DIAPH3: variants seen among roughly 807,000 people sequenced by gnomAD.
DIAPH3 encodes diaphanous related formin 3, also known as protein diaphanous homolog 3.
A neutral mutation model predicts 144.3 loss-of-function variants in DIAPH3; 117 were observed. The observed-to-expected ratio is 0.81, with a 90% CI of 0.70 to 0.95. The LOEUF (loss-of-function observed/expected upper bound fraction) is 0.95. Among genes scored for constraint, DIAPH3 ranks in the 40% least tolerant of loss-of-function variants. DIAPH3 has a pLI of 0.00. For missense variants in DIAPH3, 1,421 were observed against 1,412.7 expected, an observed-to-expected ratio of 1.01 and a Z score of -0.09; for synonymous variants, 519 against 488.9, an observed-to-expected ratio of 1.06 and a Z score of -0.81.
At chr13:60,030,667 T>C (rs1367931581) in intron 5 of DIAPH3, among the ~76,000 whole-genome samples, 3 of 152,136 alleles carry the variant, frequency 2.0e-5, no homozygotes, top group Non-Finnish European at 2.9e-5. Context: ...CAGCCACACA[T>C]ATAGACTCAA....
chr13:60,007,117 T>C (rs2052926877), intron 9 of DIAPH3, among the ~76,000 whole-genome samples: 1 of 152,080 alleles, frequency 6.6e-6, no homozygotes, highest in Non-Finnish European at 1.5e-5. Flanking sequence ...AGTGGCACGA[T>C]CTTGGCTCAC....
chr13:60,135,589 G>C (rs898449883), intron 1 of DIAPH3, among the ~76,000 whole-genome samples: 3 of 152,250 alleles, frequency 2.0e-5, no homozygotes, highest in African/African-American at 7.2e-5. Flanking sequence ...GAAGTCAATA[G>C]GGCAGGAAAT....
chr13:59,955,460 T>C (rs901990807), intron 17 of DIAPH3, among the ~76,000 whole-genome samples: 4 of 152,214 alleles, frequency 2.6e-5, no homozygotes, highest in African/African-American at 9.6e-5. Context: ...TTCCCAGCCA[T>C]GTGGAACTGT....
At chr13:59,675,478 G>A (rs966259042) in intron 27 of DIAPH3, among the ~76,000 whole-genome samples, 1 of 150,496 alleles carries the variant, frequency 6.6e-6, no homozygotes. Context: ...TTCGCCTCCC[G>A]GGTTCATGCC....
chr13:59,800,940 T>C (rs1200562034), intron 25 of DIAPH3, among the ~76,000 whole-genome samples: 1 of 152,178 alleles, frequency 6.6e-6, no homozygotes, highest in Non-Finnish European at 1.5e-5. Context: ...AAATAATGAG[T>C]GACTACTATC....
At chr13:60,054,000 T>C (rs1418707149) in intron 4 of DIAPH3, among the ~76,000 whole-genome samples, 1 of 152,084 alleles carries the variant, frequency 6.6e-6, no homozygotes, top group East Asian at 1.9e-4. Flanking sequence ...TTGCCTAGAA[T>C]ACCTGTGATA....
intron 20 of DIAPH3, among the ~76,000 whole-genome samples, chr13:59,908,988 T>C (rs551473254): frequency 6.6e-6 from 1 of 152,182 alleles, no homozygotes; most frequent in Non-Finnish European, 1.5e-5. Context: ...GATTAGCACA[T>C]TTCTAATGTA....
chr13:59,752,155 T>C (rs893638906), intron 27 of DIAPH3, among the ~76,000 whole-genome samples: 1 of 152,186 alleles, frequency 6.6e-6, no homozygotes, highest in African/African-American at 2.4e-5. Context: ...ATTGAGTGCA[T>C]AGTGCTTTGC....
chr13:59,714,068 A>T (rs1212570499), intron 27 of DIAPH3, among the ~76,000 whole-genome samples: 2 of 152,108 alleles, frequency 1.3e-5, no homozygotes, highest in Non-Finnish European at 2.9e-5. Flanking sequence ...TGTTTTAAAA[A>T]ATTTAGCTAG....
chr13:59,774,851 T>C, intron 25 of DIAPH3, 28 bp from the exon 26 acceptor site: 1 of 1,581,910 alleles, frequency 6.3e-7, no homozygotes. Flanking sequence ...GGGAATTCCA[T>C]CAGCCCTCAG....
chr13:59,725,970 T>TTTATAA (rs562680476), intron 27 of DIAPH3, among the ~76,000 whole-genome samples: 18 of 152,194 alleles, frequency 1.2e-4, no homozygotes, highest in Admixed American at 3.3e-4. Context: ...CTGCTAAAAA[T>TTTATAA]TTATAATTAC....
chr13:59,748,635 G>A (rs971174896), intron 27 of DIAPH3, among the ~76,000 whole-genome samples: 1 of 152,118 alleles, frequency 6.6e-6, no homozygotes, highest in African/African-American at 2.4e-5. Context: ...ATTGCTACAA[G>A]TGTTATTTAC....
At chr13:59,939,269 T>C (rs747434948) in intron 17 of DIAPH3, among the ~76,000 whole-genome samples, 1 of 152,180 alleles carries the variant, frequency 6.6e-6, no homozygotes, top group Non-Finnish European at 1.5e-5. Context: ...ATAATGCTGT[T>C]ACAAAATAAC....
intron 27 of DIAPH3, among the ~76,000 whole-genome samples, chr13:59,702,557 A>G (rs964623660): frequency 3.3e-5 from 5 of 152,176 alleles, no homozygotes; most frequent in African/African-American, 4.8e-5. Context: ...TGCACTTACA[A>G]AGGCATTACA....
chr13:60,022,335 T>C (rs2054083608), intron 5 of DIAPH3, among the ~76,000 whole-genome samples: 1 of 152,204 alleles, frequency 6.6e-6, no homozygotes, highest in Non-Finnish European at 1.5e-5. Flanking sequence ...CAATCTATCT[T>C]AGAGGGAAAG....
rs376127345 is a variant in DIAPH3 at position 60,055,494 on chromosome 13, TC to T, written c.496-12675del. Among the ~76,000 whole-genome samples, 503 of 152,046 alleles carry T rather than the reference TC, an allele frequency of 3.3e-3. 2 individuals carry two copies. The highest frequency in any genetic ancestry group is 0.011 in the African/African-American group (463 of 41,552). ...CTTACCATGACCAGAACTGAAGTATTCTTTTAGCTCTTAAGCCTCAAAAAGG... is the reference window on the plus strand; with the variant it reads ...CTTACCATGACCAGAACTGAAGTATTTTTTAGCTCTTAAGCCTCAAAAAGG... On this transcript the variant is annotated intron_variant, in intron 4 of 27. Transcript: ENST00000400324.
intron 27 of DIAPH3, among the ~76,000 whole-genome samples, chr13:59,732,196 T>C (rs550730572): frequency 2.4e-4 from 37 of 152,172 alleles, no homozygotes; most frequent in African/African-American, 7.5e-4. Context: ...TTTATTGTTT[T>C]CCATTCCTTC....
At chr13:60,124,417 A>G (rs1350526258) in intron 2 of DIAPH3, among the ~76,000 whole-genome samples, 1 of 152,214 alleles carries the variant, frequency 6.6e-6, no homozygotes, top group East Asian at 1.9e-4. Flanking sequence ...ATCCTTTAAC[A>G]GATGACCTCT....
intron 1 of DIAPH3, among the ~76,000 whole-genome samples, chr13:60,145,580 C>T (rs560442988): frequency 7.4e-4 from 112 of 152,284 alleles, no homozygotes; most frequent in Admixed American, 2.4e-3. Flanking sequence ...AACTCAGAGG[C>T]GGAGCTTGCA....
Sources: allele counts gnomAD v4.1 joint callset (sites outside exome capture counted in the v4.1 genomes callset), GRCh38; gene constraint gnomAD v4.1.1; transcripts MANE v1.5; gene names NCBI Gene and HGNC (gene_info 2026-07-23, HGNC 2026-07-21).